Variants in CSRNP2 observed in about 807,000 individuals in gnomAD.
CSRNP2 encodes the protein cysteine/serine-rich nuclear protein 2.
In CSRNP2, 11 loss-of-function variants were observed where a neutral mutation model predicts 36.6. That is an observed-to-expected ratio of 0.30 (90% CI 0.19 to 0.50). The LOEUF (loss-of-function observed/expected upper bound fraction) is 0.50, where lower values mean the gene tolerates loss of function less well. Among genes scored for constraint, CSRNP2 ranks in the 20% least tolerant of loss-of-function variants. The pLI, the probability that CSRNP2 is intolerant of heterozygous loss-of-function variation, is 0.98. For missense variants in CSRNP2, 483 were observed against 691.4 expected (o/e 0.70, Z 3.38); for synonymous variants, 248 against 275.3 (o/e 0.90, Z 0.98).
intron 2 of CSRNP2, among the ~76,000 whole-genome samples, chr12:51,075,911 G>A (rs532346140): frequency 1.3e-5 from 2 of 152,172 alleles, no homozygotes; most frequent in Non-Finnish European, 1.5e-5. Flanking sequence ...TTAGGCGGGC[G>A]TGGTGGCAGG....
At chr12:51,073,727 GAAAAAAA>G in intron 3 of CSRNP2, 89 bp downstream of exon 3, 20 of 1,032,746 alleles carry the variant, frequency 1.9e-5, no homozygotes, top group East Asian at 5.2e-5. Flanking sequence ...CTCTGTCCCA[GAAAAAAA>G]AAAAAAAAAA....
Position 51,061,345 on chromosome 12 carries a change from T to C in CSRNP2, c.*2401A>G, listed in dbSNP as rs1948823347. 1 of 152,648 alleles carries C rather than the reference T, an allele frequency of 6.6e-6. No individual in the cohort carries two copies. Among genetic ancestry groups the C allele is most frequent in the South Asian group, 2.1e-4 (1 of 4,828 alleles). The allele number at this position is 152,648 out of a possible 1,614,324, so 9.5% of individuals were successfully genotyped here. On this transcript the variant is annotated 3_prime_UTR_variant, in exon 5 of 5. Coordinates refer to ENST00000228515, the MANE Select transcript of CSRNP2 (RefSeq NM_030809.3). ...GGATTCACATTGAAAATACTACCTG[T>C]GTACAGTATGTGAGAAAGGAAATTG... is the stretch of plus-strand genomic sequence containing the variant.
At chr12:51,069,045 A>G (rs1336090517) in intron 3 of CSRNP2, among the ~76,000 whole-genome samples, 3 of 151,746 alleles carry the variant, frequency 2.0e-5, no homozygotes, top group Non-Finnish European at 4.4e-5. Context: ...GCGTGATCTC[A>G]GCTCGCTGCA....
In CSRNP2 at chr12:51,063,085, C is replaced by T. The variant is rs1205063832; in HGVS notation, c.*661G>A. ...CAAGTTTAACTCTAGTACTTAAGAA[C>T]ATGTGGAAGAAACAATTCAAGTTAC... On this transcript the variant is annotated 3_prime_UTR_variant, in exon 5 of 5. Coordinates refer to ENST00000228515, the MANE Select transcript of CSRNP2 (RefSeq NM_030809.3). 3 of 152,164 alleles carry T rather than the reference C, an allele frequency of 2.0e-5. No homozygotes were observed. Among genetic ancestry groups the T allele is most frequent in the East Asian group, 1.9e-4 (1 of 5,200 alleles). The allele number at this position is 152,164 out of a possible 1,614,324, so 9.4% of individuals were successfully genotyped here.
intron 3 of CSRNP2, among the ~76,000 whole-genome samples, chr12:51,069,809 T>C (rs541237348): frequency 1.1e-4 from 17 of 151,144 alleles, no homozygotes; most frequent in Admixed American, 4.6e-4. Context: ...TCTCCTGCCT[T>C]AGCCTCCCGA....
intron 3 of CSRNP2, among the ~76,000 whole-genome samples, chr12:51,068,550 A>T (rs1048735760): frequency 2.6e-5 from 4 of 152,176 alleles, no homozygotes; most frequent in African/African-American, 9.7e-5. Flanking sequence ...CTTACGTACC[A>T]TCACCTTTCT....
At chr12:51,072,489 G>A (rs533734505) in intron 3 of CSRNP2, among the ~76,000 whole-genome samples, 2 of 150,232 alleles carry the variant, frequency 1.3e-5, no homozygotes, top group Non-Finnish European at 3.0e-5. Context: ...TGTGAACCCG[G>A]GAGGTGGAGC....
At chr12:51,075,640 T>C (rs1479094249) in intron 2 of CSRNP2, among the ~76,000 whole-genome samples, 1 of 152,210 alleles carries the variant, frequency 6.6e-6, no homozygotes, top group African/African-American at 2.4e-5. Context: ...AAAGCAATCA[T>C]ACACAATGGG....
At chr12:51,081,868 TGA>T (rs1939659223) in intron 1 of CSRNP2, among the ~76,000 whole-genome samples, 1 of 151,622 alleles carries the variant, frequency 6.6e-6, no homozygotes, top group Admixed American at 6.6e-5. Context: ...ACAGCATATG[TGA>T]GAGCAGCAAG....
chr12:51,070,998 A>G (rs537257462), intron 3 of CSRNP2, among the ~76,000 whole-genome samples: 1 of 152,150 alleles, frequency 6.6e-6, no homozygotes, highest in East Asian at 1.9e-4. Flanking sequence ...ATGGTGGCTC[A>G]CTCCTGTAAT....
Position 51,067,911 on chromosome 12 carries a change from A to G in CSRNP2, c.470T>C (p.Val157Ala), listed in dbSNP as rs1297731215. The G allele has an allele frequency of 6.2e-7, 1 of 1,614,110 alleles. No individual in the cohort carries two copies. Among genetic ancestry groups the G allele is most frequent in the African/African-American group, 1.3e-5 (1 of 75,024 alleles). ...VEADGLTLDD[V>A]SDEDIDVENV... Reference sequence around the variant, plus strand: ...TTCCACATCAATATCTTCATCTGACACATCATCCAGCGTCAGGCCATCAGC... The same window carrying G: ...TTCCACATCAATATCTTCATCTGACGCATCATCCAGCGTCAGGCCATCAGC... The change falls in exon 4 of 5, where the codon GTG (valine) becomes GCG (alanine). Residue 157 changes from valine to alanine, a missense_variant. Around this residue, in one of 2 missense-constraint regions of CSRNP2, gnomAD observed 206 missense variants for 367.8 expected, o/e 0.56. Transcript: ENST00000228515. This position sits in a 1 kb window ranked among gnomAD's most constrained non-coding sequence, Gnocchi z 4.1.
At position 51,061,854 on chromosome 12, in the gene CSRNP2, C is replaced by A. The variant is rs913142833; in HGVS notation, c.*1892G>T. 2 of 152,148 alleles carry A rather than the reference C, an allele frequency of 1.3e-5. No homozygotes were observed. Among genetic ancestry groups the A allele is most frequent in the Non-Finnish European group, 2.9e-5 (2 of 68,044 alleles). The allele number at this position is 152,148 out of a possible 1,614,324, so 9.4% of individuals were successfully genotyped here. Reference sequence around the variant, plus strand: ...TCCGACACAAACTTTGAAAAAGATTCTTTTCTCCATAAAGCCAAATTCCCA... The same window carrying A: ...TCCGACACAAACTTTGAAAAAGATTATTTTCTCCATAAAGCCAAATTCCCA... On this transcript the variant is annotated 3_prime_UTR_variant, in exon 5 of 5. Transcript: ENST00000228515.
intron 4 of CSRNP2, among the ~76,000 whole-genome samples, chr12:51,065,371 AAC>A (rs1176628252): frequency 2.0e-5 from 3 of 152,236 alleles, no homozygotes; most frequent in Non-Finnish European, 4.4e-5. Flanking sequence ...TTCATATTCC[AAC>A]AGGAAAAACA....
intron 4 of CSRNP2, among the ~76,000 whole-genome samples, chr12:51,065,715 C>T (rs1938133412): frequency 6.6e-6 from 1 of 152,144 alleles, no homozygotes; most frequent in Non-Finnish European, 1.5e-5. Context: ...CCACCCCAGC[C>T]TCCCAAAGTG....
At chr12:51,079,142 A>C (rs1475766623) in intron 1 of CSRNP2, among the ~76,000 whole-genome samples, 1 of 152,062 alleles carries the variant, frequency 6.6e-6, no homozygotes, top group East Asian at 1.9e-4. Flanking sequence ...CAAACACCGC[A>C]CGTTCTCACT....
At chr12:51,082,701 A>G (rs12811684) in intron 1 of CSRNP2, 26,288 of 151,900 alleles carry the variant, frequency 0.17, 2,371 homozygotes, top group South Asian at 0.26. Context: ...GGGCCTATGA[A>G]AAAAGATCAA....
Position 51,063,447 on chromosome 12 carries a change from T to C in CSRNP2, c.*299A>G. ...CTACAGAAAGAATAGCTGCTTGAGT[T>C]ACCCAGCTTTTCCTGTGAGATCCTA... On this transcript the variant is annotated 3_prime_UTR_variant, in exon 5 of 5. Transcript: ENST00000228515. 4.8e-6 allele frequency: 1 copy of C among 210,366 alleles called. No individual in the cohort carries two copies. Among genetic ancestry groups the C allele is most frequent in the Non-Finnish European group, 9.5e-6 (1 of 105,506 alleles). 13.0% of individuals were successfully genotyped at this position (210,366 alleles called of 1,614,324 possible).
At chr12:51,077,983 T>TG (rs1424946012) in intron 1 of CSRNP2, among the ~76,000 whole-genome samples, 1 of 152,240 alleles carries the variant, frequency 6.6e-6, no homozygotes, top group Non-Finnish European at 1.5e-5. Flanking sequence ...TCAGCAGAAA[T>TG]GCTGTCAAAG....
At chr12:51,068,677 AAC>A (rs1938670517) in intron 3 of CSRNP2, among the ~76,000 whole-genome samples, 1 of 152,216 alleles carries the variant, frequency 6.6e-6, no homozygotes, top group African/African-American at 2.4e-5. Flanking sequence ...CTTGCCTTCT[AAC>A]ACAGAGAGGA....
Sources: gnomAD v4.1 joint callset for allele counts (sites outside exome capture counted in the v4.1 genomes callset) on GRCh38, gnomAD v4.1.1 for gene constraint, gnomAD v4.1.1 regional missense constraint, Gnocchi (gnomAD v3.1) non-coding constraint, MANE v1.5 for transcripts, NCBI Gene and HGNC (gene_info 2026-07-23, HGNC 2026-07-21) for gene names.